The following FCRL5 variants were observed in gnomAD, a reference collection of about 807,000 sequenced individuals.
FCRL5 encodes Fc receptor like 5.
In FCRL5, 79 loss-of-function variants were observed where a neutral mutation model predicts 92.1. That is an observed-to-expected ratio of 0.86 (90% CI 0.72 to 1.03). FCRL5 has a LOEUF of 1.03. Ranked by LOEUF, FCRL5 falls within the 50% of genes least tolerant of loss-of-function variation. FCRL5 has a pLI of 0.00. For synonymous variants in FCRL5, 466 were observed against 469.3 expected (o/e 0.99, Z 0.09); for missense variants, 1,160 against 1,181.1 (o/e 0.98, Z 0.26).
chr1:157,527,796 G>A lies in FCRL5; in HGVS notation c.1781C>T (p.Pro594Leu), dbSNP rs1650502448. 1.2e-6 allele frequency: 2 copies of A among 1,613,942 alleles called. No individual in the cohort carries two copies. Among genetic ancestry groups the A allele is most frequent in the Non-Finnish European group, 1.7e-6 (2 of 1,179,884 alleles). The change falls in exon 9 of 17, where the codon CCC (proline) becomes CTC (leucine). Residue 594 changes from proline to leucine, a missense_variant. Coordinates refer to ENST00000361835, the MANE Select transcript of FCRL5 (RefSeq NM_031281.3). ...ATGATAAAACCAGTACAGGATTGGG[G>A]GAGAGCCTCTCGGGGCCTCACAGTG... The part of the protein sequence containing the change: ...ELHCEAPRGS[P>L]PILYWFYHED...
intron 1 of FCRL5, 88 bp downstream of exon 1, chr1:157,552,244 G>T: frequency 7.6e-7 from 1 of 1,316,472 alleles, no homozygotes. Flanking sequence ...CTCAGCAGGG[G>T]CTGAGCCCCA....
intron 1 of FCRL5, among the ~76,000 whole-genome samples, chr1:157,551,442 C>G (rs1651806717): frequency 6.6e-6 from 1 of 152,240 alleles, no homozygotes; most frequent in African/African-American, 2.4e-5. Flanking sequence ...TTCATGAAGT[C>G]TTTACTAGCT....
At chr1:157,524,206 T>A in intron 10 of FCRL5, 73 bp downstream of exon 10, 2 of 1,550,608 alleles carry the variant, frequency 1.3e-6, no homozygotes, top group Non-Finnish European at 1.8e-6. Context: ...GCTCTGTGGC[T>A]CCATTTTCAG....
In FCRL5 at chr1:157,515,801, G is replaced by A. The variant is rs375667650; in HGVS notation, c.2845-37C>T. ...GAGCACATGCGTGAGGACCAGGGTGGGCCTGGGGGTGGGGGAGGGCATGCA... is the reference window on the plus strand; with the variant it reads ...GAGCACATGCGTGAGGACCAGGGTGAGCCTGGGGGTGGGGGAGGGCATGCA... On this transcript the variant is annotated intron_variant, in intron 16 of 16. Transcript: ENST00000361835. 38 of 1,613,658 alleles carry A rather than the reference G, an allele frequency of 2.4e-5. No homozygotes were observed. In the Admixed American group the frequency reaches 3.0e-4, roughly 13 times the overall value.
Position 157,534,862 on chromosome 1 carries a change from C to A in FCRL5, c.1433G>T (p.Ser478Ile). Reference sequence around the variant, plus strand: ...TTCAAAAGTCAGGGCCTCAGCAGAGCTGAGGGTGAGGACAGGATGAGACAC... The same window carrying A: ...TTCAAAAGTCAGGGCCTCAGCAGAGATGAGGGTGAGGACAGGATGAGACAC... The part of the protein sequence containing the change: ...VPVSHPVLTL[S>I]SAEALTFEGA... Residue 478 changes from serine to isoleucine, a missense_variant, in exon 8 of 17, where the codon AGC becomes ATC. Transcript: ENST00000361835. 1.3e-6 allele frequency: 2 copies of A among 1,564,234 alleles called. No homozygotes were observed. The highest frequency in any genetic ancestry group is 1.7e-6 in the Non-Finnish European group (2 of 1,156,280).
chr1:157,520,409 A>C, intron 12 of FCRL5, 22 bp downstream of exon 12: 1 of 1,526,704 alleles, frequency 6.6e-7, no homozygotes, highest in South Asian at 1.2e-5. Flanking sequence ...ACTCAAGCCA[A>C]GGTGTGCCCA....
chr1:157,534,690 A>G lies in FCRL5; in HGVS notation c.1605T>C (p.His535=), dbSNP rs144057640. The G allele has an allele frequency of 1.9e-6, 3 of 1,614,046 alleles. No homozygotes were observed. Among genetic ancestry groups the G allele is most frequent in the African/African-American group, 2.7e-5 (2 of 74,926 alleles). The change falls in exon 8 of 17, where the codon CAT becomes CAC. Residue 535 remains histidine, a synonymous_variant. Coordinates refer to ENST00000361835, the MANE Select transcript of FCRL5 (RefSeq NM_031281.3). ...VSFSFSLTEG[H]SGNYYCTADN... is the part of the protein sequence containing the mutation. ...CAGCTGTGCAGTAGTAATTCCCTGA[A>G]TGTCCTTCAGTCAGAGAGAAGCTGA...
intron 7 of FCRL5, among the ~76,000 whole-genome samples, chr1:157,537,806 A>T (rs1028242519): frequency 2.0e-5 from 3 of 152,204 alleles, no homozygotes; most frequent in Admixed American, 1.3e-4. Flanking sequence ...CCTATGTAAA[A>T]TATTGGGGGT....
intron 7 of FCRL5, among the ~76,000 whole-genome samples, chr1:157,538,732 CT>C (rs1471580201): frequency 2.0e-5 from 3 of 152,210 alleles, no homozygotes; most frequent in Non-Finnish European, 4.4e-5. Flanking sequence ...CTCCTGAGAA[CT>C]GAGTCTGAGT....
intron 11 of FCRL5, 64 bp from the exon 12 acceptor site, chr1:157,520,611 G>A (rs1268713771): frequency 6.2e-6 from 8 of 1,300,122 alleles, no homozygotes; most frequent in Non-Finnish European, 7.5e-6. Flanking sequence ...CCCGCTCCCG[G>A]AAGCTGCTGC....
rs114624593 is a variant in FCRL5 at position 157,540,613 on chromosome 1, T to A, written c.1124-1249A>T. 4.7e-3 allele frequency among the ~76,000 whole-genome samples: 718 copies of A among 152,266 alleles called. 4 individuals carry two copies. The highest frequency in any genetic ancestry group is 0.017 in the African/African-American group (686 of 41,556). On this transcript the variant is annotated intron_variant, in intron 6 of 16. Coordinates refer to ENST00000361835, the MANE Select transcript of FCRL5 (RefSeq NM_031281.3). ...AGTCGGTTTCTCCGCCTTTCTGTAG[T>A]CAGTCTTCTGGAAGAAGTGACCTAC...
Position 157,547,025 on chromosome 1 carries a change from A to C in FCRL5, c.225T>G (p.Leu75=). 6.2e-7 allele frequency: 1 copy of C among 1,614,096 alleles called. No individual in the cohort carries two copies. Among genetic ancestry groups the C allele is most frequent in the South Asian group, 1.1e-5 (1 of 91,084 alleles). ...EILRETPDNI[L]EVQESGEYRC... Reference sequence around the variant, plus strand: ...TGTACTCTCCAGATTCCTGAACCTCAAGGATATTGTCTGGGGTTTCTCTTA... The same window carrying C: ...TGTACTCTCCAGATTCCTGAACCTCCAGGATATTGTCTGGGGTTTCTCTTA... The change falls in exon 3 of 17, where the codon CTT becomes CTG. Residue 75 remains leucine, a synonymous_variant. Coordinates refer to ENST00000361835, the MANE Select transcript of FCRL5 (RefSeq NM_031281.3).
At chr1:157,529,246 G>T (rs990371892) in intron 8 of FCRL5, among the ~76,000 whole-genome samples, 8 of 152,056 alleles carry the variant, frequency 5.3e-5, no homozygotes, top group African/African-American at 1.7e-4. Flanking sequence ...ACCACAATGC[G>T]ATACCACCTT....
Position 157,534,630 on chromosome 1 carries a change from C to T in FCRL5, c.1665G>A (p.Val555=), listed in dbSNP as rs767345666. ...AGCACTTACCAGTGACAAAAAGGCT[C>T]ACCACTTCACTGCGCTGGGGACCAA... ...NGFGPQRSEV[V]SLFVTVPVSR... The change falls in exon 8 of 17, where the codon GTG becomes GTA. Residue 555 remains valine (V), a synonymous_variant. Coordinates refer to ENST00000361835, the MANE Select transcript of FCRL5 (RefSeq NM_031281.3). The T allele has an allele frequency of 6.2e-7, 1 of 1,614,176 alleles. No individual in the cohort carries two copies. Among genetic ancestry groups the T allele is most frequent in the Non-Finnish European group, 8.5e-7 (1 of 1,180,040 alleles).
At position 157,544,544 on chromosome 1, in the gene FCRL5, G is replaced by T; in HGVS notation, c.562C>A (p.Pro188Thr). Reference sequence around the variant, plus strand: ...GCTCTCAGCACTGGACGTGTAAATGGCTCTAGAGAGAAGAATCACAACAGT... The same window carrying T: ...GCTCTCAGCACTGGACGTGTAAATGTCTCTAGAGAGAAGAATCACAACAGT... Reference protein sequence around the residue: ...SNTVKIQVQEPFTRPVLRASS... With the variant: ...SNTVKIQVQETFTRPVLRASS... Residue 188 changes from proline (P) to threonine (T), a missense_variant and splice_region_variant, in exon 5 of 17, where the codon CCA becomes ACA. Physicochemically the swap from Pro to Thr is conservative, Grantham distance 38. Transcript: ENST00000361835. The T allele has an allele frequency of 1.2e-6, 2 of 1,612,976 alleles. No individual in the cohort carries two copies. Among genetic ancestry groups the T allele is most frequent in the Non-Finnish European group, 1.7e-6 (2 of 1,179,296 alleles).
intron 3 of FCRL5, 35 bp downstream of exon 3, chr1:157,546,907 AT>A (rs774898010): frequency 6.3e-7 from 1 of 1,598,738 alleles, no homozygotes; most frequent in South Asian, 1.1e-5. Flanking sequence ...GGCTGAATTG[AT>A]TTCTAAAGTT....
intron 7 of FCRL5, among the ~76,000 whole-genome samples, chr1:157,537,018 A>G (rs4971130): frequency 0.81 from 123,379 of 152,088 alleles, 50,642 homozygotes; most frequent in South Asian, 0.92. Context: ...ATTTTTGTAA[A>G]CTGAGGATGA....
At chr1:157,522,364 A>G (rs1305325761) in intron 10 of FCRL5, 1 of 152,250 alleles carries the variant, frequency 6.6e-6, no homozygotes, top group Non-Finnish European at 1.5e-5. Flanking sequence ...GTCATCATGT[A>G]TCAGACTAAT....
chr1:157,521,268 G>C lies in FCRL5; in HGVS notation c.2264C>G (p.Thr755Ser). Residue 755 changes from threonine to serine, a missense_variant, in exon 11 of 17, where the codon ACC becomes AGC. By Grantham distance (58) the Thr-to-Ser change is moderately conservative (BLOSUM62 1). Transcript: ENST00000361835. ...VAVPVSRPVL[T>S]LRAPGTHAAV... Reference sequence around the variant, plus strand: ...AGCATGGGTCCCGGGAGCCCTGAGGGTGAGGACCGGGCGAGACACCGGAAC... The same window carrying C: ...AGCATGGGTCCCGGGAGCCCTGAGGCTGAGGACCGGGCGAGACACCGGAAC... 1 of 1,613,316 alleles carries C rather than the reference G, an allele frequency of 6.2e-7. No homozygotes were observed. Among genetic ancestry groups the C allele is most frequent in the Non-Finnish European group, 8.5e-7 (1 of 1,179,740 alleles).
Sources: allele counts gnomAD v4.1 joint callset (sites outside exome capture counted in the v4.1 genomes callset), GRCh38; gene constraint gnomAD v4.1.1; transcripts MANE v1.5; gene names NCBI Gene and HGNC (gene_info 2026-07-23, HGNC 2026-07-21).